Variants in NDEL1 observed in about 807,000 individuals in gnomAD.
The protein encoded by NDEL1 is nudE neurodevelopment protein 1 like 1, also known as nuclear distribution protein nudE-like 1.
NDEL1 carries 9 observed loss-of-function variants against 45.7 expected under a neutral mutation model. The observed-to-expected ratio is 0.20, with a 90% CI of 0.12 to 0.34. The LOEUF is 0.34. NDEL1 is among the 10% of genes least tolerant of loss of function. The pLI is 1.00. For synonymous variants in NDEL1, 133 were observed against 158.6 expected (o/e 0.84, Z 1.21); for missense variants, 306 against 406.2 (o/e 0.75, Z 2.12).
intron 4 of NDEL1, 46 bp from the exon 5 acceptor site, chr17:8,448,504 G>A: frequency 6.3e-7 from 1 of 1,580,514 alleles, no homozygotes; most frequent in African/African-American, 1.4e-5. Context: ...CTATCTGTTT[G>A]CACATGTTAT....
intron 1 of NDEL1, among the ~76,000 whole-genome samples, chr17:8,437,521 C>T (rs1567726413): frequency 6.6e-6 from 1 of 152,076 alleles, no homozygotes; most frequent in Non-Finnish European, 1.5e-5. Context: ...TTACTTCTGA[C>T]GTAAGTTTCT....
intron 5 of NDEL1, among the ~76,000 whole-genome samples, chr17:8,449,932 A>G (rs1910364344): frequency 6.6e-6 from 1 of 152,250 alleles, no homozygotes; most frequent in Non-Finnish European, 1.5e-5. Flanking sequence ...TAACACAAGC[A>G]AATATTCTGT....
At chr17:8,448,399 A>C (rs1910234624) in intron 4 of NDEL1, 151 bp from the exon 5 acceptor site, 5 of 701,296 alleles carry the variant, frequency 7.1e-6, no homozygotes, top group African/African-American at 3.6e-5. Flanking sequence ...ACGTGCCAGC[A>C]GTGGTCAGGA....
chr17:8,427,302 CTGGG>C (rs1908860890), intron 1 of NDEL1, among the ~76,000 whole-genome samples: 1 of 152,152 alleles, frequency 6.6e-6, no homozygotes. Flanking sequence ...TGGGCTATTC[CTGGG>C]TATAGGAATA....
At chr17:8,441,465 A>G (rs1193457924) in intron 1 of NDEL1, among the ~76,000 whole-genome samples, 1 of 152,230 alleles carries the variant, frequency 6.6e-6, no homozygotes, top group Non-Finnish European at 1.5e-5. Flanking sequence ...ATGGCTATAA[A>G]GTTATGGAAC....
chr17:8,437,601 A>G (rs1373737137), intron 1 of NDEL1, among the ~76,000 whole-genome samples: 3 of 152,226 alleles, frequency 2.0e-5, no homozygotes, highest in Admixed American at 2.0e-4. Flanking sequence ...TCAACTTTGA[A>G]GAGTTAAAAA....
upstream of NDEL1, chr17:8,435,845 C>G (rs1422742817): frequency 4.5e-6 from 2 of 446,328 alleles, no homozygotes; most frequent in African/African-American, 4.2e-5. Context: ...CTCCGAGCCC[C>G]GCCCCCGTGC....
chr17:8,450,962 T>C lies in NDEL1; in HGVS notation c.700+9T>C, dbSNP rs769044919. ...TTTTCCTTCACCGAAAGGTTTGTAA[T>C]GTCTTTTCTTTTTGAGGCGATGTGT... On this transcript the variant is annotated intron_variant, in intron 6 of 8. Coordinates refer to ENST00000334527, the MANE Select transcript of NDEL1 (RefSeq NM_030808.5). The C allele has an allele frequency of 6.3e-7, 1 of 1,598,570 alleles. No individual in the cohort carries two copies. The highest frequency in any genetic ancestry group is 8.5e-7 in the Non-Finnish European group (1 of 1,174,038).
intron 1 of NDEL1, among the ~76,000 whole-genome samples, chr17:8,418,829 C>G (rs893016650): frequency 8.0e-6 from 1 of 124,884 alleles, no homozygotes; most frequent in African/African-American, 2.6e-5. Context: ...TCCTCTCTCT[C>G]TCTCTCTTTC....
At chr17:8,428,346 G>GTATTTTTT (rs1567721194) in intron 1 of NDEL1, among the ~76,000 whole-genome samples, 1 of 134,956 alleles carries the variant, frequency 7.4e-6, no homozygotes. Context: ...GTGTGTGTGT[G>GTATTTTTT]TGTGTGTGTG....
chr17:8,455,786 C>G (rs1270347176), intron 7 of NDEL1, among the ~76,000 whole-genome samples: 1 of 151,938 alleles, frequency 6.6e-6, no homozygotes, highest in Non-Finnish European at 1.5e-5. Flanking sequence ...AGAGTATTAC[C>G]CCATTTTTTA....
intron 4 of NDEL1, among the ~76,000 whole-genome samples, chr17:8,447,520 A>T (rs560732297): frequency 6.6e-6 from 1 of 152,136 alleles, no homozygotes; most frequent in East Asian, 1.9e-4. Context: ...TAACACTTCC[A>T]TACTTCCTGT....
intron 1 of NDEL1, among the ~76,000 whole-genome samples, chr17:8,417,639 C>T (rs1005609829): frequency 6.6e-6 from 1 of 152,138 alleles, no homozygotes; most frequent in East Asian, 1.9e-4. Context: ...GGGAACCCCC[C>T]AGAAGAATGC....
rs1292366954 is a variant in NDEL1, at chr17:8,465,632, C to T, written c.945-1298C>T. The T allele has an allele frequency of 4.0e-5, 6 of 151,640 alleles. No individual in the cohort carries two copies. The highest frequency in any genetic ancestry group is 4.2e-4 in the South Asian group (2 of 4,816). The allele number at this position is 151,640 out of a possible 1,614,324, so 9.4% of individuals were successfully genotyped here. A position where few individuals can be genotyped will look rare whatever the true frequency, so the allele number is the denominator to read the frequency against. On this transcript the variant is annotated intron_variant, in intron 8 of 8. Transcript: ENST00000334527. This position sits in a 1 kb window ranked among gnomAD's most constrained non-coding sequence, Gnocchi z 4.9. ...AGCTGTCTCTGCAGGGAGTGTGTGT[C>T]GGCATTTTTTTTTTTTAAGGAGAAC...
chr17:8,416,502 G>C (rs1418770170), intron 1 of NDEL1, among the ~76,000 whole-genome samples: 1 of 152,122 alleles, frequency 6.6e-6, no homozygotes, highest in Non-Finnish European at 1.5e-5. Context: ...ATGGTTCATT[G>C]TTTTCAAGCT....
chr17:8,439,542 C>T (rs2151708452), intron 1 of NDEL1, among the ~76,000 whole-genome samples: 1 of 152,236 alleles, frequency 6.6e-6, no homozygotes, highest in East Asian at 1.9e-4. Context: ...GCATGAGCCA[C>T]CGCGCCTGGC....
chr17:8,445,256 G>A (rs1244241711), intron 2 of NDEL1, among the ~76,000 whole-genome samples: 2 of 152,016 alleles, frequency 1.3e-5, no homozygotes, highest in Admixed American at 6.5e-5. Context: ...AATAAAAAAA[G>A]ATACAGAAGT....
intron 1 of NDEL1, chr17:8,443,950 CT>C (rs2151714834): frequency 5.0e-6 from 1 of 201,848 alleles, no homozygotes; most frequent in South Asian, 1.2e-4. Flanking sequence ...CTTAAACCAA[CT>C]GCTGCAACTC....
upstream of NDEL1, chr17:8,435,774 G>GC: frequency 2.8e-6 from 1 of 359,688 alleles, no homozygotes; most frequent in Non-Finnish European, 5.5e-6. Flanking sequence ...GCTCTGGCCC[G>GC]CCCCCTGTGA....
Sources: gnomAD v4.1 joint callset for allele counts (sites outside exome capture counted in the v4.1 genomes callset) on GRCh38, gnomAD v4.1.1 for gene constraint, Gnocchi (gnomAD v3.1) non-coding constraint, MANE v1.5 for transcripts, NCBI Gene and HGNC (gene_info 2026-07-23, HGNC 2026-07-21) for gene names.